The following HSD17B14 variants were observed in gnomAD, a reference collection of about 807,000 sequenced individuals.
The protein encoded by HSD17B14 is hydroxysteroid 17-beta dehydrogenase 14, also known as L-fucose dehydrogenase.
Under a neutral mutation model 32.2 loss-of-function variants are expected in HSD17B14, and 32 were observed. The observed-to-expected ratio is 0.99, with a 90% confidence interval of 0.75 to 1.33. The LOEUF is 1.33. Among genes scored for constraint, HSD17B14 ranks in the 40% most tolerant of loss-of-function variants. The pLI is 0.00. For synonymous variants in HSD17B14, 140 were observed against 155.4 expected, an observed-to-expected ratio of 0.90 and a Z score of 0.74; for missense variants, 370 against 366.5, an observed-to-expected ratio of 1.01 and a Z score of -0.08.
chr19:48,828,537 G>A (rs1410835184), intron 5 of HSD17B14, among the ~76,000 whole-genome samples: 2 of 152,126 alleles, frequency 1.3e-5, no homozygotes, highest in African/African-American at 2.4e-5. Flanking sequence ...AGGATCACTT[G>A]AGCCCAGGGG....
intron 5 of HSD17B14, among the ~76,000 whole-genome samples, chr19:48,828,742 C>G (rs894142421): frequency 2.0e-5 from 3 of 151,876 alleles, no homozygotes; most frequent in Non-Finnish European, 4.4e-5. Flanking sequence ...CCAGCCTGGA[C>G]AACATAGTGA....
chr19:48,822,741 GTGA>G (rs1247740875), intron 5 of HSD17B14, among the ~76,000 whole-genome samples: 2 of 151,650 alleles, frequency 1.3e-5, no homozygotes, highest in African/African-American at 4.8e-5. Context: ...GATGGTGATG[GTGA>G]TGATTGTGGT....
intron 5 of HSD17B14, among the ~76,000 whole-genome samples, chr19:48,818,853 G>A (rs1383549859): frequency 6.6e-6 from 1 of 152,190 alleles, no homozygotes; most frequent in East Asian, 1.9e-4. Context: ...AAGGTTCTGA[G>A]ACAGGAGCAG....
Position 48,813,234 on chromosome 19 carries a change from C to T in HSD17B14, c.754G>A (p.Gly252Arg), listed in dbSNP as rs373824904. 28 of 1,611,080 alleles carry T rather than the reference C, an allele frequency of 1.7e-5. No individual in the cohort carries two copies. Among genetic ancestry groups the T allele is most frequent in the Non-Finnish European group, 2.3e-5 (27 of 1,178,982 alleles). The change falls in exon 9 of 9, where the codon GGG (glycine) becomes AGG (arginine). Residue 252 changes from glycine (G) to arginine (R), a missense_variant. By Grantham distance (125) the Gly-to-Arg change is moderately radical (BLOSUM62 -2). Coordinates refer to ENST00000263278, the MANE Select transcript of HSD17B14 (RefSeq NM_016246.3). ...ELLVTGGAEL[G>R]YGCKASRSTP... is the part of the protein sequence containing the mutation. ...CTCCGACTGGCCTTGCACCCGTACCCCAGCTCTGCACCCCCCGTCACGAGC... is the reference window on the plus strand; with the variant it reads ...CTCCGACTGGCCTTGCACCCGTACCTCAGCTCTGCACCCCCCGTCACGAGC...
intron 5 of HSD17B14, among the ~76,000 whole-genome samples, chr19:48,822,494 A>G (rs2035175314): frequency 6.9e-6 from 1 of 144,530 alleles, no homozygotes; most frequent in African/African-American, 2.6e-5. Context: ...GGTGATGGTG[A>G]TGATTGTGGT....
chr19:48,825,475 TTTTG>T (rs2035228819), intron 5 of HSD17B14, among the ~76,000 whole-genome samples: 1 of 151,784 alleles, frequency 6.6e-6, no homozygotes, highest in Admixed American at 6.6e-5. Context: ...ATCTGGCTAA[TTTTG>T]TTTATTTTTG....
chr19:48,813,160 T>G lies in HSD17B14; in HGVS notation c.*15A>C, dbSNP rs746531047. 2.6e-6 allele frequency: 4 copies of G among 1,565,776 alleles called. No homozygotes were observed. The highest frequency in any genetic ancestry group is 4.7e-4 in the Middle Eastern group (2 of 4,256). ...AGAGTCCTAGGAAGGGGGCCCCAAG[T>G]AGAAATGAGAGAAATCAGGAAGGGA... On this transcript the variant is annotated 3_prime_UTR_variant, in exon 9 of 9. Transcript: ENST00000263278.
chr19:48,831,604 T>C (rs548408823), intron 5 of HSD17B14, 64 bp downstream of exon 5: 2 of 1,086,186 alleles, frequency 1.8e-6, no homozygotes, highest in African/African-American at 1.5e-5. Flanking sequence ...TTAGACAAAA[T>C]GCATCACACA....
Position 48,815,072 on chromosome 19 carries a change from C to T in HSD17B14, c.439G>A (p.Gly147Ser), listed in dbSNP as rs993705932. Reference protein sequence around the residue: ...INISSLVGAIGQAQAVPYVAT... With the variant: ...INISSLVGAISQAQAVPYVAT... ...ACATAGGGAACTGCCTGGGCCTGGC[C>T]GATTGCCCCCACCAGGCTGGAGATG... The change falls in exon 6 of 9, where the codon GGC becomes AGC. Residue 147 changes from glycine (G) to serine (S), a missense_variant. By Grantham distance (56) the Gly-to-Ser change is moderately conservative (BLOSUM62 0). Coordinates refer to ENST00000263278, the MANE Select transcript of HSD17B14 (RefSeq NM_016246.3). 4.3e-6 allele frequency: 7 copies of T among 1,613,786 alleles called. No homozygotes were observed. The highest frequency in any genetic ancestry group is 1.6e-4 in the Middle Eastern group (1 of 6,084).
At position 48,831,766 on chromosome 19, in the gene HSD17B14, TGG is replaced by T; in HGVS notation, c.278-9_278-8del. On this transcript the variant is annotated splice_polypyrimidine_tract_variant and splice_region_variant and intron_variant, in intron 4 of 8. Coordinates refer to ENST00000263278, the MANE Select transcript of HSD17B14 (RefSeq NM_016246.3). ...GGCCTCTGTGGGGGTGGGTCTAAAG[TGG>T]GGGGTGAGAGAGAGAGGAAAAGTGA... The T allele has an allele frequency of 6.5e-7, 1 of 1,546,038 alleles. No individual in the cohort carries two copies. Among genetic ancestry groups the T allele is most frequent in the Non-Finnish European group, 8.9e-7 (1 of 1,129,194 alleles).
chr19:48,818,950 C>A lies in HSD17B14; in HGVS notation c.370-3809G>T, dbSNP rs2035101405. On this transcript the variant is annotated intron_variant, in intron 5 of 8. Coordinates refer to ENST00000263278, the MANE Select transcript of HSD17B14 (RefSeq NM_016246.3). ...GGGCCAGATCACGAGGCCTTGAAGG[C>A]CCCCACTTCTCCCTTGGACAAATGC... is the stretch of plus-strand genomic sequence containing the variant. 3.3e-5 allele frequency among the ~76,000 whole-genome samples: 5 copies of A among 152,244 alleles called. 1 individual carries two copies. The South Asian group carries it at 8.3e-4, about 25-fold the overall frequency.
intron 5 of HSD17B14, among the ~76,000 whole-genome samples, chr19:48,817,981 C>T (rs566886735): frequency 1.3e-5 from 2 of 152,098 alleles, no homozygotes; most frequent in African/African-American, 4.8e-5. Flanking sequence ...GAGACCCAAA[C>T]CCATAAACAA....
chr19:48,835,795 C>T lies in HSD17B14; in HGVS notation c.127+10G>A, dbSNP rs200803544. The stretch of plus-strand genomic sequence containing the variant: ...AGGGCCAAGGTGAGGGCTGAGGGAC[C>T]GTCACTCACCATCCTTGTCGCAGAT... On this transcript the variant is annotated intron_variant, in intron 2 of 8. Transcript: ENST00000263278. 2.8e-5 allele frequency: 45 copies of T among 1,613,394 alleles called. 1 individual carries two copies. In the East Asian group the frequency reaches 7.1e-4, roughly 26 times the overall value.
intron 6 of HSD17B14, among the ~76,000 whole-genome samples, chr19:48,814,129 G>A (rs1046831611): frequency 2.6e-5 from 4 of 151,708 alleles, no homozygotes; most frequent in Admixed American, 1.3e-4. Context: ...CATGAGGCAG[G>A]GGTTGCAGTG....
chr19:48,832,539 C>A, intron 4 of HSD17B14, 127 bp downstream of exon 4: 1 of 834,064 alleles, frequency 1.2e-6, no homozygotes. Context: ...ACTCTCCTGT[C>A]CAAGTGGCTA....
chr19:48,821,048 T>C (rs1325392015), intron 5 of HSD17B14, among the ~76,000 whole-genome samples: 1 of 145,868 alleles, frequency 6.9e-6, no homozygotes, highest in Non-Finnish European at 1.5e-5. Context: ...AGTCTCACTC[T>C]GTCACCCAGG....
At chr19:48,816,784 T>TTTCC (rs2035059296) in intron 5 of HSD17B14, among the ~76,000 whole-genome samples, 1 of 99,918 alleles carries the variant, frequency 1.0e-5, no homozygotes, top group Non-Finnish European at 2.0e-5. Flanking sequence ...ACCCTTTTTC[T>TTTCC]TTCTTTCTTT....
intron 2 of HSD17B14, among the ~76,000 whole-genome samples, chr19:48,835,263 G>A (rs2035459070): frequency 1.6e-5 from 1 of 61,192 alleles, no homozygotes; most frequent in Non-Finnish European, 2.8e-5. Flanking sequence ...GGAGGGGCTG[G>A]GGGCCTGGAC....
intron 5 of HSD17B14, among the ~76,000 whole-genome samples, chr19:48,818,018 T>C (rs1445514354): frequency 1.3e-5 from 2 of 152,102 alleles, no homozygotes; most frequent in African/African-American, 2.4e-5. Context: ...ATTCTAAGTA[T>C]TAAGAACTTT....
Sources: allele counts gnomAD v4.1 joint callset (sites outside exome capture counted in the v4.1 genomes callset), GRCh38; gene constraint gnomAD v4.1.1; transcripts MANE v1.5; gene names NCBI Gene and HGNC (gene_info 2026-07-23, HGNC 2026-07-21).